The following SEPTIN6 variants were observed in gnomAD, a reference collection of about 807,000 sequenced individuals.
The protein encoded by SEPTIN6 is septin 6.
A neutral mutation model predicts 33.6 loss-of-function variants in SEPTIN6; 8 were observed. That is an observed-to-expected ratio of 0.24 (90% confidence interval 0.14 to 0.43). The LOEUF (loss-of-function observed/expected upper bound fraction) is 0.43. Ranked by LOEUF, SEPTIN6 falls within the 20% of genes least tolerant of loss-of-function variation. The probability of loss-of-function intolerance (pLI) is 1.00; values close to 1 mark genes in which losing one functional copy is unlikely to be tolerated. For missense variants in SEPTIN6, 250 were observed against 340.8 expected (o/e 0.73, Z 2.10); for synonymous variants, 131 against 140.0 (o/e 0.94, Z 0.45).
intron 1 of SEPTIN6, among the ~76,000 whole-genome samples, chrX:119,678,356 T>C (rs1377587931): frequency 9.1e-6 from 1 of 109,300 alleles, no homozygotes; most frequent in Non-Finnish European, 1.9e-5. Flanking sequence ...CCGTCTCTAC[T>C]AAAAATACAA....
At position 119,629,514 on chromosome X, in the gene SEPTIN6, A is replaced by G. The variant is rs765051950; in HGVS notation, c.1090-6T>C. The G allele has an allele frequency of 8.3e-7, 1 of 1,206,308 alleles. No individual in the cohort carries two copies. Among genetic ancestry groups the G allele is most frequent in the Non-Finnish European group, 1.1e-6 (1 of 891,477 alleles). ...CGGTCAAACTTCTCGTGCAGCTGGC[A>G]GGGAAGCACAGGGAGATTGGAGAGA... On this transcript the variant is annotated splice_polypyrimidine_tract_variant and splice_region_variant and intron_variant, in intron 8 of 10. Transcript: ENST00000394610.
intron 10 of SEPTIN6, among the ~76,000 whole-genome samples, chrX:119,623,534 A>G (rs946729238): frequency 9.0e-6 from 1 of 111,715 alleles, no homozygotes; most frequent in African/African-American, 3.3e-5. Context: ...GGTAAAGTTT[A>G]AAAAAAATAA....
Position 119,619,886 on chromosome X carries a change from C to A in SEPTIN6, c.*207G>T. On this transcript the variant is annotated 3_prime_UTR_variant, in exon 11 of 11. Transcript: ENST00000394610. ...ACATGACTGTTGGCTTCTTGACCAG[C>A]GGCCAGACATCACCCTCAGATTCTC... 21 of 1,094,276 alleles carry A rather than the reference C, an allele frequency of 1.9e-5. No homozygotes were observed. In the South Asian group the frequency reaches 5.0e-4, roughly 26 times the overall value. The allele number at this position is 1,094,276 out of a possible 1,213,427, so 90.2% of individuals were successfully genotyped here. A position where few individuals can be genotyped will look rare whatever the true frequency, so the allele number is the denominator to read the frequency against.
chrX:119,631,555 C>T (rs2053962108), intron 8 of SEPTIN6, among the ~76,000 whole-genome samples: 1 of 110,367 alleles, frequency 9.1e-6, no homozygotes, highest in Non-Finnish European at 1.9e-5. Flanking sequence ...CACTTTTATT[C>T]ATTTGTCTTT....
intron 1 of SEPTIN6, among the ~76,000 whole-genome samples, chrX:119,684,242 G>A (rs1178776553): frequency 1.8e-5 from 2 of 111,316 alleles, no homozygotes; most frequent in Admixed American, 1.9e-4. Flanking sequence ...ACTGTGCCCA[G>A]CCCCCTTATT....
intron 5 of SEPTIN6, among the ~76,000 whole-genome samples, chrX:119,649,485 C>CT (rs113768527): frequency 1.4e-4 from 8 of 58,717 alleles, no homozygotes; most frequent in African/African-American, 7.1e-4. Context: ...GAGATCCTGT[C>CT]TTAAAAAAAA....
chrX:119,629,274 A>G, intron 9 of SEPTIN6, 44 bp downstream of exon 9: 1 of 1,160,263 alleles, frequency 8.6e-7, no homozygotes, highest in East Asian at 3.0e-5. Context: ...GAGGATGAGC[A>G]GGAGGAAAGA....
chrX:119,638,633 A>C (rs1411803709), intron 6 of SEPTIN6, among the ~76,000 whole-genome samples: 1 of 111,731 alleles, frequency 9.0e-6, no homozygotes, highest in African/African-American at 3.3e-5. Flanking sequence ...ATCAGCTCAC[A>C]TAATCCCTCT....
At position 119,678,763 on chromosome X, in the gene SEPTIN6, T is replaced by C. The variant is rs1182653702; in HGVS notation, c.31-3095A>G. Among the ~76,000 whole-genome samples the C allele has an allele frequency of 2.7e-5, 3 of 110,422 alleles. No individual in the cohort carries two copies. The East Asian group carries it at 8.5e-4, about 31-fold the overall frequency. On this transcript the variant is annotated intron_variant, in intron 1 of 10. Coordinates refer to ENST00000394610, the MANE Select transcript of SEPTIN6 (RefSeq NM_145799.4). Reference sequence around the variant, plus strand: ...CTCCGATGTAGCAGGCATCGGAAATTGAGGTGGACTCAGAGTTGAGGTTTC... The same window carrying C: ...CTCCGATGTAGCAGGCATCGGAAATCGAGGTGGACTCAGAGTTGAGGTTTC...
chrX:119,663,778 C>T, intron 2 of SEPTIN6, 101 bp from the exon 3 acceptor site: 1 of 653,034 alleles, frequency 1.5e-6, no homozygotes, highest in Non-Finnish European at 2.3e-6. Context: ...GGAAAATGAA[C>T]ATGATAAAAC....
At chrX:119,632,994 C>T (rs1381716329) in intron 8 of SEPTIN6, among the ~76,000 whole-genome samples, 2 of 112,677 alleles carry the variant, frequency 1.8e-5, no homozygotes, top group Non-Finnish European at 3.8e-5. Flanking sequence ...CACTCATGTC[C>T]TTCTAAAGAA....
At chrX:119,626,084 G>A (rs1335154490) in intron 9 of SEPTIN6, among the ~76,000 whole-genome samples, 1 of 112,241 alleles carries the variant, frequency 8.9e-6, no homozygotes, top group African/African-American at 3.2e-5. Context: ...TTCTGCATCT[G>A]GAAGTACAGA....
At chrX:119,679,634 C>A (rs1026992500) in intron 1 of SEPTIN6, among the ~76,000 whole-genome samples, 1 of 111,284 alleles carries the variant, frequency 9.0e-6, no homozygotes, top group Non-Finnish European at 1.9e-5. Context: ...CTGAGGCAGG[C>A]GGATCACGAG....
chrX:119,686,717 T>C, intron 1 of SEPTIN6: 2 of 538,139 alleles, frequency 3.7e-6, no homozygotes, highest in Non-Finnish European at 5.4e-6. Flanking sequence ...CTTAAAATAA[T>C]CCATCATTAC....
At chrX:119,622,857 T>C (rs1446655748) in intron 10 of SEPTIN6, among the ~76,000 whole-genome samples, 1 of 112,498 alleles carries the variant, frequency 8.9e-6, no homozygotes, top group Non-Finnish European at 1.9e-5. Flanking sequence ...GTGCAAAGAA[T>C]GGACAGGCAT....
rs147647123 is a variant in SEPTIN6, at chrX:119,671,101, T to C, written c.145+4453A>G. On this transcript the variant is annotated intron_variant, in intron 2 of 10. Coordinates refer to ENST00000394610, the MANE Select transcript of SEPTIN6 (RefSeq NM_145799.4). ...GTGAAAAAATATCCTAGGTCTTTGT[T>C]AATAATTGAAGCTAGTGCTACCATA... Among the ~76,000 whole-genome samples, 349 of 111,187 alleles carry C rather than the reference T, an allele frequency of 3.1e-3. 2 individuals carry two copies. The highest frequency in any genetic ancestry group is 0.01 in the African/African-American group (317 of 30,618).
At chrX:119,634,337 C>T (rs1237154579) in intron 7 of SEPTIN6, among the ~76,000 whole-genome samples, 4 of 104,884 alleles carry the variant, frequency 3.8e-5, no homozygotes, top group African/African-American at 7.1e-5. Flanking sequence ...CCACTGCACT[C>T]CAGCCTGTGT....
intron 2 of SEPTIN6, among the ~76,000 whole-genome samples, chrX:119,673,731 A>G (rs924505813): frequency 3.7e-5 from 4 of 106,785 alleles, no homozygotes; most frequent in African/African-American, 1.0e-4. Context: ...AGTCCCAGGT[A>G]CTCAGGAGGC....
intron 2 of SEPTIN6, among the ~76,000 whole-genome samples, chrX:119,665,939 A>G (rs1311929501): frequency 9.1e-6 from 1 of 110,115 alleles, no homozygotes; most frequent in African/African-American, 3.3e-5. Flanking sequence ...AAAATTAGCC[A>G]GGCGTGATGG....
Sources: gnomAD v4.1 joint callset for allele counts (sites outside exome capture counted in the v4.1 genomes callset) on GRCh38, gnomAD v4.1.1 for gene constraint, MANE v1.5 for transcripts, NCBI Gene and HGNC (gene_info 2026-07-23, HGNC 2026-07-21) for gene names.